MALAT1: variants seen among roughly 807,000 people sequenced by gnomAD.
MALAT1 encodes metastasis associated lung adenocarcinoma transcript 1.
chr11:65,499,318 C>G (rs1590700210), exon 3 of MALAT1: 1 of 507,702 alleles, frequency 2.0e-6, no homozygotes, highest in East Asian at 5.5e-5. Context: ...TGAGATGAAG[C>G]TTCTTCATGG....
At chr11:65,503,577 G>A (rs747453730) in exon 3 of MALAT1, 3 of 515,388 alleles carry the variant, frequency 5.8e-6, no homozygotes, top group South Asian at 1.4e-5. Flanking sequence ...TGTAAATTGT[G>A]TAGAAAACCA....
intron 3 of MALAT1, chr11:65,504,070 T>G (rs757476221): frequency 1.9e-6 from 1 of 518,118 alleles, no homozygotes. Context: ...TGTTTTACAC[T>G]ATTGACCTTA....
exon 3 of MALAT1, chr11:65,503,534 T>C (rs1048996542): frequency 3.9e-6 from 2 of 518,604 alleles, no homozygotes; most frequent in Admixed American, 3.9e-5. Context: ...GCTGTTAGAA[T>C]CAGATGTTAC....
chr11:65,500,104 C>T (rs1230774251), exon 3 of MALAT1: 1 of 471,178 alleles, frequency 2.1e-6, no homozygotes, highest in Admixed American at 2.3e-5. Context: ...TAGACCAGAA[C>T]CAATTTAGAA....
At chr11:65,506,085 CT>C in intron 3 of MALAT1, 2 of 408,250 alleles carry the variant, frequency 4.9e-6, no homozygotes, top group African/African-American at 2.2e-5. Flanking sequence ...GCTTTTTGGC[CT>C]TTTTCTAGCT....
chr11:65,499,678 A>G (rs1033002222), exon 3 of MALAT1: 2 of 434,700 alleles, frequency 4.6e-6, no homozygotes, highest in Non-Finnish European at 9.0e-6. Flanking sequence ...GGAAGACAGA[A>G]GTACGGGAAG....
chr11:65,502,181 G>A (rs753566379), exon 3 of MALAT1: 3 of 518,084 alleles, frequency 5.8e-6, no homozygotes, highest in South Asian at 4.2e-5. Flanking sequence ...GGAAAGTATT[G>A]AACTGGGGGT....
exon 3 of MALAT1, chr11:65,502,149 A>G (rs374997268): frequency 1.5e-5 from 8 of 516,184 alleles, no homozygotes; most frequent in African/African-American, 3.9e-5. Context: ...GTTTTCCTTC[A>G]AAGTATAGAG....
chr11:65,501,587 C>T (rs1590703042), exon 3 of MALAT1: 2 of 518,724 alleles, frequency 3.9e-6, no homozygotes. Context: ...CTAAGATTTT[C>T]CACAGATGCT....
At chr11:65,502,764 G>C (rs527356315) in exon 3 of MALAT1, 15 of 515,860 alleles carry the variant, frequency 2.9e-5, no homozygotes, top group Admixed American at 2.7e-4. Context: ...TACCTCCATT[G>C]GGGAATAAGC....
Position 65,505,989 on chromosome 11 carries a change from G to A in MALAT1, n.5169-271G>A, listed in dbSNP as rs779181742. 5.4e-5 allele frequency: 25 copies of A among 458,828 alleles called. No homozygotes were observed. The Admixed American group carries it at 5.8e-4, about 11-fold the overall frequency. The allele number at this position is 458,828 out of a possible 1,614,324, so 28.4% of individuals were successfully genotyped here. ...GACTTGGCCAAGCTAGCATCTTAGC[G>A]GAAGCTGATCTCCAATGCTCTTCAG... On this transcript the variant is annotated intron_variant and non_coding_transcript_variant, in intron 3 of 3. Coordinates refer to ENST00000619449, the Ensembl canonical transcript of MALAT1.
chr11:65,505,840 C>T (rs759559086), intron 3 of MALAT1: 1 of 479,722 alleles, frequency 2.1e-6, no homozygotes, highest in Non-Finnish European at 4.2e-6. Flanking sequence ...TGTTCAAGAA[C>T]TGTAATGCTG....
At chr11:65,503,486 G>T in exon 3 of MALAT1, 1 of 518,054 alleles carries the variant, frequency 1.9e-6, no homozygotes, top group South Asian at 1.4e-5. Flanking sequence ...GTTTAGCATT[G>T]AATCTCTGAA....
chr11:65,499,009 T>C (rs749271949), exon 3 of MALAT1: 1 of 518,856 alleles, frequency 1.9e-6, no homozygotes, highest in Non-Finnish European at 3.8e-6. Flanking sequence ...CGAGTTGTTC[T>C]CCGTCTATAA....
chr11:65,499,793 G>A, exon 3 of MALAT1: 1 of 417,526 alleles, frequency 2.4e-6, no homozygotes, highest in Non-Finnish European at 4.6e-6. Context: ...GAAGAAAAAA[G>A]ACAAGCTAGG....
exon 3 of MALAT1, chr11:65,500,282 G>GT (rs1156720569): frequency 3.9e-6 from 2 of 518,820 alleles, no homozygotes; most frequent in South Asian, 2.8e-5. Context: ...AAGGACTTTC[G>GT]TAACGGAAGT....
chr11:65,500,448 G>C lies in MALAT1; in HGVS notation n.1711G>C, dbSNP rs763326987. 4 of 518,884 alleles carry C rather than the reference G, an allele frequency of 7.7e-6. No individual in the cohort carries two copies. The East Asian group carries it at 2.2e-4, about 28-fold the overall frequency. 32.1% of individuals were successfully genotyped at this position (518,884 alleles called of 1,614,324 possible). ...GAATCTAGGAAGACAGCAGCAGACA[G>C]GATTCCAGGAACCAGTGTTTGATGA... On this transcript the variant is annotated non_coding_transcript_exon_variant, in exon 3 of 4. Transcript: ENST00000619449.
At chr11:65,502,546 C>T (rs765569062) in exon 3 of MALAT1, 3 of 483,680 alleles carry the variant, frequency 6.2e-6, no homozygotes, top group Admixed American at 2.5e-5. Flanking sequence ...TAAATTGTAA[C>T]TGATTAAGAA....
chr11:65,505,159 C>T (rs780525347), intron 3 of MALAT1: 6 of 518,606 alleles, frequency 1.2e-5, no homozygotes, highest in African/African-American at 1.9e-5. Context: ...GTGAGGTGGG[C>T]GCTAAGCCTT....
Sources: allele counts gnomAD v4.1 joint callset, GRCh38; gene constraint gnomAD v4.1.1; transcripts MANE v1.5; gene names NCBI Gene and HGNC (gene_info 2026-07-23, HGNC 2026-07-21).